The following WDR70 variants were observed in gnomAD, a reference collection of about 807,000 sequenced individuals.
WDR70 encodes the protein WD repeat-containing protein 70.
Under a neutral mutation model 88.6 loss-of-function variants are expected in WDR70, and 53 were observed. The observed-to-expected ratio is 0.60, with a 90% CI of 0.48 to 0.75. The LOEUF (loss-of-function observed/expected upper bound fraction) is 0.75. Among genes scored for constraint, WDR70 ranks in the 30% least tolerant of loss-of-function variants. The probability of loss-of-function intolerance (pLI) is 0.00; values close to 1 mark genes in which losing one functional copy is unlikely to be tolerated. For missense variants in WDR70, 610 were observed against 823.2 expected (o/e 0.74, Z 3.17); for synonymous variants, 280 against 270.0 (o/e 1.04, Z -0.36).
intron 9 of WDR70, among the ~76,000 whole-genome samples, chr5:37,582,298 T>C (rs908232476): frequency 6.6e-6 from 1 of 152,172 alleles, no homozygotes; most frequent in Admixed American, 6.5e-5. Context: ...AAAGCAAGCC[T>C]TTTAATATTT....
chr5:37,645,669 A>G (rs952832638), intron 10 of WDR70, among the ~76,000 whole-genome samples: 1 of 152,094 alleles, frequency 6.6e-6, no homozygotes, highest in African/African-American at 2.4e-5. Flanking sequence ...GGGTGCATAT[A>G]TATTTATAAT....
rs1449172797 is a variant in WDR70 at position 37,468,133 on chromosome 5, G to T, written c.687-11701G>T. On this transcript the variant is annotated intron_variant, in intron 7 of 17. Transcript: ENST00000265107. The stretch of plus-strand genomic sequence containing the variant: ...CAAAGTGGTAGGATTACAGGCATGA[G>T]CCACTGCGCCCGGCCTATCATATGA... Among the ~76,000 whole-genome samples the T allele has an allele frequency of 2.0e-5, 3 of 152,224 alleles. No individual in the cohort carries two copies. In the South Asian group the frequency reaches 6.2e-4, roughly 32 times the overall value.
At chr5:37,480,343 C>A (rs1264502451) in intron 8 of WDR70, among the ~76,000 whole-genome samples, 1 of 152,106 alleles carries the variant, frequency 6.6e-6, no homozygotes, top group East Asian at 1.9e-4. Flanking sequence ...TGGGTCTTTT[C>A]ACAGTGTGGT....
chr5:37,383,410 C>T (rs1158609409), intron 3 of WDR70, among the ~76,000 whole-genome samples: 3 of 152,034 alleles, frequency 2.0e-5, no homozygotes, highest in Admixed American at 2.0e-4. Context: ...CAGGTGACCA[C>T]CACCACGCCT....
chr5:37,533,929 C>T (rs1392509980), intron 9 of WDR70, among the ~76,000 whole-genome samples: 3 of 152,088 alleles, frequency 2.0e-5, no homozygotes, highest in Non-Finnish European at 4.4e-5. Context: ...TGCCCCAGAC[C>T]GTGAACCTCC....
chr5:37,402,516 A>G (rs575651888), intron 5 of WDR70, among the ~76,000 whole-genome samples: 40 of 152,234 alleles, frequency 2.6e-4, no homozygotes, highest in African/African-American at 9.6e-4. Context: ...AAAATTGATA[A>G]ATAATATATA....
At chr5:37,391,221 A>T (rs901822569) in intron 3 of WDR70, among the ~76,000 whole-genome samples, 7 of 152,086 alleles carry the variant, frequency 4.6e-5, no homozygotes, top group African/African-American at 1.7e-4. Context: ...AATTTCGTTC[A>T]ATTCTTTTAC....
At chr5:37,522,467 T>C (rs1289228363) in intron 9 of WDR70, among the ~76,000 whole-genome samples, 5 of 115,932 alleles carry the variant, frequency 4.3e-5, no homozygotes, top group African/African-American at 1.1e-4. Context: ...TGAGACTCTG[T>C]CTCAAAAAAA....
intron 10 of WDR70, among the ~76,000 whole-genome samples, chr5:37,663,211 T>C (rs1232826873): frequency 6.6e-6 from 1 of 152,208 alleles, no homozygotes. Context: ...AATAGAGCAT[T>C]ACAAAAGTTA....
intron 17 of WDR70, among the ~76,000 whole-genome samples, chr5:37,738,074 C>T (rs902375614): frequency 2.0e-5 from 3 of 150,230 alleles, no homozygotes; most frequent in Non-Finnish European, 4.4e-5. Context: ...TCGATTAGCT[C>T]TTCACCAAAA....
chr5:37,721,223 A>G lies in WDR70; in HGVS notation c.1517+8A>G. The G allele has an allele frequency of 1.2e-6, 2 of 1,610,902 alleles. No homozygotes were observed. On this transcript the variant is annotated splice_region_variant and intron_variant, in intron 14 of 17. Transcript: ENST00000265107. ...CCCCAACAAGAGTCAGAGGTATTTC[A>G]TAAGTATTGCCTGTTTTAGATGGAT... is the stretch of plus-strand genomic sequence containing the variant.
At chr5:37,654,701 A>G (rs947751721) in intron 10 of WDR70, among the ~76,000 whole-genome samples, 1 of 152,200 alleles carries the variant, frequency 6.6e-6, no homozygotes, top group African/African-American at 2.4e-5. Context: ...CCATTATGTA[A>G]TGGCCTTCTT....
chr5:37,494,362 A>G (rs959723598), intron 8 of WDR70, among the ~76,000 whole-genome samples: 1 of 152,194 alleles, frequency 6.6e-6, no homozygotes, highest in African/African-American at 2.4e-5. Flanking sequence ...GGGCTACAAA[A>G]TGTAAATTTG....
chr5:37,643,622 A>G (rs1470357662), intron 10 of WDR70, among the ~76,000 whole-genome samples: 1 of 152,178 alleles, frequency 6.6e-6, no homozygotes, highest in South Asian at 2.1e-4. Context: ...ATTCATGAAC[A>G]TAGAATATCT....
At chr5:37,647,264 T>C (rs2112552930) in intron 10 of WDR70, among the ~76,000 whole-genome samples, 1 of 152,354 alleles carries the variant, frequency 6.6e-6, no homozygotes, top group East Asian at 1.9e-4. Context: ...TAATTCTGAA[T>C]TCCTTCTCTG....
At chr5:37,734,256 A>G (rs1748236595) in intron 17 of WDR70, among the ~76,000 whole-genome samples, 1 of 152,112 alleles carries the variant, frequency 6.6e-6, no homozygotes, top group South Asian at 2.1e-4. Context: ...GAATGATTCT[A>G]TTACGTTAAA....
At chr5:37,728,242 G>A (rs1748042969) in intron 17 of WDR70, among the ~76,000 whole-genome samples, 1 of 151,604 alleles carries the variant, frequency 6.6e-6, no homozygotes, top group Non-Finnish European at 1.5e-5. Flanking sequence ...CAGCTACTAA[G>A]GAGGCTGAGG....
rs1454400377 is a variant in WDR70, at chr5:37,443,375, A to G, written c.686+3A>G. The G allele has an allele frequency of 1.9e-6, 3 of 1,613,624 alleles. No homozygotes were observed. In the African/African-American group the frequency reaches 4.0e-5, roughly 22 times the overall value. On this transcript the variant is annotated splice_donor_region_variant and intron_variant, in intron 7 of 17. Coordinates refer to ENST00000265107, the MANE Select transcript of WDR70 (RefSeq NM_018034.4). ...CGATCCCTTCAGCCCTGTGAGTGGT[A>G]TGTATTCACTTACTTAATATCTTCA...
At chr5:37,653,509 G>C (rs1745463558) in intron 10 of WDR70, among the ~76,000 whole-genome samples, 1 of 152,102 alleles carries the variant, frequency 6.6e-6, no homozygotes. Context: ...GTTTCAGAAG[G>C]GATGGTACCA....
Sources: allele counts gnomAD v4.1 joint callset (sites outside exome capture counted in the v4.1 genomes callset), GRCh38; gene constraint gnomAD v4.1.1; transcripts MANE v1.5; gene names NCBI Gene and HGNC (gene_info 2026-07-23, HGNC 2026-07-21).